Variants in PDE8B observed in about 807,000 individuals in gnomAD.
PDE8B encodes the protein high affinity cAMP-specific and IBMX-insensitive 3',5'-cyclic phosphodiesterase 8B.
PDE8B carries 26 observed loss-of-function variants against 101.3 expected under a neutral mutation model. That is an observed-to-expected ratio of 0.26 (90% confidence interval 0.19 to 0.36). PDE8B has a LOEUF of 0.36. PDE8B is among the 10% of genes least tolerant of loss of function. The probability of loss-of-function intolerance (pLI) is 1.00; values close to 1 mark genes in which losing one functional copy is unlikely to be tolerated. For missense variants in PDE8B, 810 were observed against 1,163.1 expected (o/e 0.70, Z 4.42); for synonymous variants, 424 against 429.3 (o/e 0.99, Z 0.15).
chr5:77,191,357 CT>C, the PDE8B span, among the ~76,000 whole-genome samples: 572 of 145,678 alleles, frequency 3.9e-3, 3 homozygotes, highest in African/African-American at 0.01. Context: ...TAAAACATAT[CT>C]TTTTTTTTTT....
chr5:77,279,569 G>T (rs1764557602), intron 1 of PDE8B, among the ~76,000 whole-genome samples: 1 of 152,170 alleles, frequency 6.6e-6, no homozygotes, highest in African/African-American at 2.4e-5. Context: ...GTTATATGCT[G>T]TGTGTCACGT....
At chr5:77,158,007 G>T in the PDE8B span, among the ~76,000 whole-genome samples, 3 of 152,152 alleles carry the variant, frequency 2.0e-5, no homozygotes, top group Admixed American at 6.5e-5. Flanking sequence ...CATTTATCTC[G>T]ATCCTTGCAA....
intron 4 of PDE8B, among the ~76,000 whole-genome samples, chr5:77,331,155 G>A (rs1777044146): frequency 6.6e-6 from 1 of 152,232 alleles, no homozygotes; most frequent in Admixed American, 6.5e-5. Flanking sequence ...GGCCATTCAT[G>A]TGTACTGAGG....
chr5:77,301,751 A>T (rs1030202100), intron 1 of PDE8B, among the ~76,000 whole-genome samples: 1 of 152,210 alleles, frequency 6.6e-6, no homozygotes, highest in African/African-American at 2.4e-5. Context: ...CTTGGAATGG[A>T]GCTGTGTTTA....
the PDE8B span, among the ~76,000 whole-genome samples, chr5:77,179,169 G>A: frequency 2.0e-5 from 3 of 152,238 alleles, no homozygotes; most frequent in Admixed American, 6.5e-5. Context: ...CTAGAAAAAC[G>A]TGGCGAAGGC....
At chr5:77,417,124 T>G (rs1338868149) in intron 17 of PDE8B, among the ~76,000 whole-genome samples, 1 of 152,170 alleles carries the variant, frequency 6.6e-6, no homozygotes, top group Admixed American at 6.5e-5. Flanking sequence ...CTCGCATGGC[T>G]ACTAAATAAA....
intron 1 of PDE8B, among the ~76,000 whole-genome samples, chr5:77,295,366 C>T (rs2149986686): frequency 6.6e-6 from 1 of 152,256 alleles, no homozygotes; most frequent in Middle Eastern, 3.4e-3. Flanking sequence ...TGGTGGTTGA[C>T]ACGTGAGACT....
At chr5:77,117,894 CT>C in the PDE8B span, among the ~76,000 whole-genome samples, 1 of 151,902 alleles carries the variant, frequency 6.6e-6, no homozygotes, top group African/African-American at 2.4e-5. Flanking sequence ...TTCAATGCAT[CT>C]TTTTAAGGTG....
At chr5:77,389,526 G>C (rs1789455524) in intron 10 of PDE8B, among the ~76,000 whole-genome samples, 1 of 152,134 alleles carries the variant, frequency 6.6e-6, no homozygotes, top group Non-Finnish European at 1.5e-5. Flanking sequence ...TGGCCCTCTT[G>C]TCTGCAATCC....
chr5:77,353,431 G>T, intron 10 of PDE8B, 25 bp downstream of exon 10: 1 of 1,461,390 alleles, frequency 6.8e-7, no homozygotes, highest in South Asian at 1.1e-5. Flanking sequence ...CACTTCGTTT[G>T]CTCTGTCTGT....
chr5:77,142,132 T>G, the PDE8B span: 3 of 152,336 alleles, frequency 2.0e-5, no homozygotes, highest in East Asian at 5.8e-4. Flanking sequence ...ATACACTAAA[T>G]TCATGCTACT....
At chr5:77,108,708 TG>T in the PDE8B span, among the ~76,000 whole-genome samples, 1 of 152,142 alleles carries the variant, frequency 6.6e-6, no homozygotes, top group Admixed American at 6.5e-5. Flanking sequence ...ATAAATGCAA[TG>T]AAAAAAATAT....
intron 10 of PDE8B, among the ~76,000 whole-genome samples, chr5:77,389,324 G>A (rs1403900118): frequency 6.6e-6 from 1 of 152,112 alleles, no homozygotes; most frequent in Non-Finnish European, 1.5e-5. Context: ...ATAGGGGAGG[G>A]AATTCTCCGA....
At chr5:77,415,028 A>G (rs760782340) in intron 17 of PDE8B, among the ~76,000 whole-genome samples, 4 of 152,212 alleles carry the variant, frequency 2.6e-5, no homozygotes, top group Non-Finnish European at 5.9e-5. Flanking sequence ...CTCAAATGAC[A>G]GCAATAGAAA....
chr5:77,253,538 T>A (rs1263234353), intron 1 of PDE8B, among the ~76,000 whole-genome samples: 1 of 152,188 alleles, frequency 6.6e-6, no homozygotes, highest in African/African-American at 2.4e-5. Flanking sequence ...AAATTGAAGA[T>A]GACTGCGCCT....
At chr5:77,316,247 T>G (rs2150153952) in intron 2 of PDE8B, among the ~76,000 whole-genome samples, 1 of 152,218 alleles carries the variant, frequency 6.6e-6, no homozygotes, top group East Asian at 1.9e-4. Flanking sequence ...ATTACTATTA[T>G]TATTGAGACA....
intron 1 of PDE8B, among the ~76,000 whole-genome samples, chr5:77,227,233 A>G (rs534601163): frequency 6.6e-6 from 1 of 152,326 alleles, no homozygotes; most frequent in Non-Finnish European, 1.5e-5. Flanking sequence ...TGATAGAATC[A>G]CATATCTGAT....
chr5:77,291,253 T>A, intron 1 of PDE8B: 2 of 1,612,462 alleles, frequency 1.2e-6, no homozygotes, highest in Non-Finnish European at 1.7e-6. Flanking sequence ...TACGCACAGA[T>A]CCGAGTTGGG....
intron 10 of PDE8B, among the ~76,000 whole-genome samples, chr5:77,376,463 AT>A (rs1786155261): frequency 6.6e-6 from 1 of 152,180 alleles, no homozygotes; most frequent in Non-Finnish European, 1.5e-5. Context: ...TGAATGAATA[AT>A]TTCATTGTGA....
Sources: allele counts gnomAD v4.1 joint callset (sites outside exome capture counted in the v4.1 genomes callset), GRCh38; gene constraint gnomAD v4.1.1; transcripts MANE v1.5; gene names NCBI Gene and HGNC (gene_info 2026-07-23, HGNC 2026-07-21).